The following EPHA6 variants were observed in gnomAD, a reference collection of about 807,000 sequenced individuals.
The protein encoded by EPHA6 is ephrin type-A receptor 6.
EPHA6 carries 50 observed loss-of-function variants against 112.0 expected under a neutral mutation model. That is an observed-to-expected ratio of 0.45 (90% CI 0.36 to 0.56). The LOEUF (loss-of-function observed/expected upper bound fraction) is 0.56. Ranked by LOEUF, EPHA6 falls within the 20% of genes least tolerant of loss-of-function variation. The probability of loss-of-function intolerance (pLI) is 0.00; values close to 1 mark genes in which losing one functional copy is unlikely to be tolerated. For synonymous variants in EPHA6, 529 were observed against 490.7 expected, an observed-to-expected ratio of 1.08 and a Z score of -1.03; for missense variants, 1,280 against 1,417.4, an observed-to-expected ratio of 0.90 and a Z score of 1.56.
At chr3:97,104,001 C>T (rs1298213300) in intron 3 of EPHA6, among the ~76,000 whole-genome samples, 1 of 151,994 alleles carries the variant, frequency 6.6e-6, no homozygotes, top group Non-Finnish European at 1.5e-5. Flanking sequence ...GATTTTGTAT[C>T]CTGAAACTTT....
intron 10 of EPHA6, among the ~76,000 whole-genome samples, chr3:97,490,994 C>T (rs933988125): frequency 6.6e-6 from 1 of 152,196 alleles, no homozygotes; most frequent in African/African-American, 2.4e-5. Context: ...AGAACATCCT[C>T]AGATTCTTAC....
chr3:97,174,223 T>C, intron 3 of EPHA6, among the ~76,000 whole-genome samples: 1 of 151,816 alleles, frequency 6.6e-6, no homozygotes, highest in Admixed American at 6.6e-5. Flanking sequence ...TGTGAACCAT[T>C]AGATCTCATT....
In EPHA6 at chr3:97,526,315, C is replaced by T. The variant is rs555459845; in HGVS notation, c.2201-6043C>T. The stretch of plus-strand genomic sequence containing the variant: ...TGCCATTTGAGGATCCACTGTGGAA[C>T]AGAGGTTGGCAAAGCGTGTCAGGGA... On this transcript the variant is annotated intron_variant, in intron 10 of 17. Transcript: ENST00000389672. Among the ~76,000 whole-genome samples, 8 of 152,332 alleles carry T rather than the reference C, an allele frequency of 5.3e-5. No homozygotes were observed. The South Asian group carries it at 1.4e-3, about 28-fold the overall frequency.
In EPHA6 at chr3:96,855,221, AT is replaced by A. The variant is rs554636185; in HGVS notation, c.386-11603del. ...CAGGCCCACATAAATAATATAAAATATCCCCCTATTTTAAGGGCGATTAGAA... is the reference window on the plus strand; with the variant it reads ...CAGGCCCACATAAATAATATAAAATACCCCCTATTTTAAGGGCGATTAGAA... On this transcript the variant is annotated intron_variant, in intron 1 of 17. Coordinates refer to ENST00000389672, the MANE Select transcript of EPHA6 (RefSeq NM_001080448.3). 5.9e-5 allele frequency among the ~76,000 whole-genome samples: 9 copies of A among 152,268 alleles called. No individual in the cohort carries two copies. The South Asian group carries it at 1.9e-3, about 32-fold the overall frequency.
In EPHA6 at chr3:97,022,607, T is replaced by A. The variant is rs181183566; in HGVS notation, c.1114+34614T>A. Among the ~76,000 whole-genome samples, 788 of 152,302 alleles carry A rather than the reference T, an allele frequency of 5.2e-3. 10 individuals are homozygous for A. The highest frequency in any genetic ancestry group is 0.017 in the African/African-American group (723 of 41,576). ...CAAGAGCGGGTAAATATCTTCTTACTTGACTCAATCAGATTGCAGTCTTCT... is the reference window on the plus strand; with the variant it reads ...CAAGAGCGGGTAAATATCTTCTTACATGACTCAATCAGATTGCAGTCTTCT... On this transcript the variant is annotated intron_variant, in intron 3 of 17. Coordinates refer to ENST00000389672, the MANE Select transcript of EPHA6 (RefSeq NM_001080448.3).
intron 3 of EPHA6, among the ~76,000 whole-genome samples, chr3:97,170,361 G>T (rs193034368): frequency 1.3e-5 from 2 of 152,214 alleles, no homozygotes; most frequent in Non-Finnish European, 2.9e-5. Context: ...AATACCTGGG[G>T]CGTAATCTGC....
chr3:96,832,539 T>C (rs1037627362), intron 1 of EPHA6, among the ~76,000 whole-genome samples: 1 of 152,092 alleles, frequency 6.6e-6, no homozygotes, highest in African/African-American at 2.4e-5. Flanking sequence ...TGGCTTATGC[T>C]AAATCCACAA....
chr3:97,038,321 T>C (rs2045186697), intron 3 of EPHA6, among the ~76,000 whole-genome samples: 1 of 152,014 alleles, frequency 6.6e-6, no homozygotes, highest in Non-Finnish European at 1.5e-5. Context: ...CCCCCCATGC[T>C]TCCTGGACTG....
intron 3 of EPHA6, among the ~76,000 whole-genome samples, chr3:97,025,438 G>T (rs772982359): frequency 7.9e-5 from 12 of 152,082 alleles, no homozygotes; most frequent in Non-Finnish European, 1.3e-4. Flanking sequence ...TCTGTAGGTT[G>T]TCTGTTCATT....
At chr3:97,243,810 T>C (rs890906176) in intron 4 of EPHA6, 142 bp from the exon 5 acceptor site, 20 of 619,626 alleles carry the variant, frequency 3.2e-5, no homozygotes, top group Non-Finnish European at 4.9e-5. Context: ...ATTTTAACCA[T>C]GTGATCATTA....
At chr3:96,881,895 G>A (rs1234745385) in intron 2 of EPHA6, among the ~76,000 whole-genome samples, 1 of 152,146 alleles carries the variant, frequency 6.6e-6, no homozygotes, top group Non-Finnish European at 1.5e-5. Context: ...TTAAAGCTCC[G>A]AAATCATCTC....
intron 5 of EPHA6, among the ~76,000 whole-genome samples, chr3:97,257,940 T>C (rs534281796): frequency 6.6e-6 from 1 of 152,022 alleles, no homozygotes; most frequent in African/African-American, 2.4e-5. Context: ...CATAAGGAAA[T>C]GAATATTAAA....
intron 3 of EPHA6, among the ~76,000 whole-genome samples, chr3:97,118,068 C>G (rs1029477617): frequency 6.6e-6 from 1 of 151,606 alleles, no homozygotes; most frequent in Non-Finnish European, 1.5e-5. Context: ...AACTAGCTTA[C>G]TAAGAGTTGA....
intron 3 of EPHA6, among the ~76,000 whole-genome samples, chr3:97,038,200 AT>A (rs1422098246): frequency 6.6e-6 from 1 of 151,894 alleles, no homozygotes; most frequent in Non-Finnish European, 1.5e-5. Flanking sequence ...GAAATGCATA[AT>A]ATATTATTGT....
At chr3:97,710,423 T>C (rs2033906569) in intron 14 of EPHA6, among the ~76,000 whole-genome samples, 1 of 152,212 alleles carries the variant, frequency 6.6e-6, no homozygotes, top group Non-Finnish European at 1.5e-5. Flanking sequence ...TGCTCAGATA[T>C]GTTCCAAGCA....
intron 6 of EPHA6, among the ~76,000 whole-genome samples, chr3:97,429,614 T>A (rs1319863285): frequency 2.6e-5 from 4 of 151,292 alleles, no homozygotes; most frequent in Non-Finnish European, 5.9e-5. Context: ...ACCTATAGCA[T>A]ATTCGAAAGT....
chr3:97,541,716 T>A (rs182854967), intron 11 of EPHA6, among the ~76,000 whole-genome samples: 1 of 133,310 alleles, frequency 7.5e-6, no homozygotes, highest in Admixed American at 7.8e-5. Flanking sequence ...GTGTCTTGTT[T>A]TCTTTTTTTT....
chr3:96,860,904 C>A (rs920064417), intron 1 of EPHA6, among the ~76,000 whole-genome samples: 1 of 152,000 alleles, frequency 6.6e-6, no homozygotes, highest in African/African-American at 2.4e-5. Context: ...GCCAAATTTT[C>A]TTTTACTCAT....
intron 3 of EPHA6, among the ~76,000 whole-genome samples, chr3:97,070,298 G>A (rs78677651): frequency 0.016 from 2,429 of 152,150 alleles, 60 homozygotes; most frequent in African/African-American, 0.056. Context: ...AATAAATATT[G>A]CTTGATTAAT....
Sources: gnomAD v4.1 joint callset for allele counts (sites outside exome capture counted in the v4.1 genomes callset) on GRCh38, gnomAD v4.1.1 for gene constraint, MANE v1.5 for transcripts, NCBI Gene and HGNC (gene_info 2026-07-23, HGNC 2026-07-21) for gene names.